Variants in CHST9 observed in about 807,000 individuals in gnomAD.
The protein encoded by CHST9 is carbohydrate sulfotransferase 9.
A neutral mutation model predicts 44.4 loss-of-function variants in CHST9; 41 were observed. That is an observed-to-expected ratio of 0.92 (90% confidence interval 0.72 to 1.20). The LOEUF is 1.20. Ranked by LOEUF, CHST9 falls within the 50% of genes most tolerant of loss-of-function variation. The probability of loss-of-function intolerance (pLI) is 0.00; values close to 1 mark genes in which losing one functional copy is unlikely to be tolerated. For missense variants in CHST9, 504 were observed against 516.5 expected, an observed-to-expected ratio of 0.98 and a Z score of 0.23; for synonymous variants, 171 against 178.4, an observed-to-expected ratio of 0.96 and a Z score of 0.33.
chr18:27,101,509 C>A lies in CHST9; in HGVS notation c.121+41180G>T, dbSNP rs548147334. 7.6e-3 allele frequency among the ~76,000 whole-genome samples: 1,149 copies of A among 151,556 alleles called. 15 individuals are homozygous for A. The highest frequency in any genetic ancestry group is 0.026 in the African/African-American group (1,059 of 41,248). ...TGGCGGGGGTGAGGGTGGGCGGGGG[C>A]TGAGGCCGGAGAATGGAGTGAACCC... On this transcript the variant is annotated intron_variant, in intron 2 of 5. Transcript: ENST00000618847.
At chr18:27,163,627 A>G (rs983777240) in intron 1 of CHST9, among the ~76,000 whole-genome samples, 3 of 152,186 alleles carry the variant, frequency 2.0e-5, no homozygotes, top group Non-Finnish European at 4.4e-5. Context: ...TGCAGGATAT[A>G]ATCTCCTGCT....
At chr18:27,055,179 T>C (rs1293723254) in intron 2 of CHST9, among the ~76,000 whole-genome samples, 2 of 152,148 alleles carry the variant, frequency 1.3e-5, no homozygotes, top group Admixed American at 6.5e-5. Context: ...AAATGCACTA[T>C]GAAGAAGGCA....
chr18:27,056,026 T>C (rs1360345818), intron 2 of CHST9, among the ~76,000 whole-genome samples: 2 of 152,098 alleles, frequency 1.3e-5, no homozygotes, highest in Non-Finnish European at 2.9e-5. Flanking sequence ...GTTTTAAAAG[T>C]TGCAGGAATA....
chr18:27,018,930 G>C (rs1042270018), intron 4 of CHST9, among the ~76,000 whole-genome samples: 2 of 152,138 alleles, frequency 1.3e-5, no homozygotes, highest in African/African-American at 2.4e-5. Flanking sequence ...CCACACCCTT[G>C]ATTCTAACAC....
chr18:26,994,672 C>T (rs189124501), intron 4 of CHST9, among the ~76,000 whole-genome samples: 18 of 152,230 alleles, frequency 1.2e-4, no homozygotes, highest in African/African-American at 4.1e-4. Context: ...TCACTGCAAC[C>T]TCTGCCTCCT....
intron 1 of CHST9, among the ~76,000 whole-genome samples, chr18:27,146,624 T>C (rs2058614372): frequency 6.6e-6 from 1 of 152,236 alleles, no homozygotes; most frequent in South Asian, 2.1e-4. Flanking sequence ...TCCTGTATTT[T>C]GTACAACTCC....
intron 4 of CHST9, among the ~76,000 whole-genome samples, chr18:26,981,465 G>C (rs1161274185): frequency 6.6e-6 from 1 of 152,182 alleles, no homozygotes; most frequent in East Asian, 1.9e-4. Flanking sequence ...ATTCAGAACA[G>C]AGCCGCATCT....
At chr18:26,976,917 G>A (rs1340053343) in intron 4 of CHST9, among the ~76,000 whole-genome samples, 2 of 152,046 alleles carry the variant, frequency 1.3e-5, no homozygotes, top group Non-Finnish European at 2.9e-5. Flanking sequence ...ATGTATAGCT[G>A]CCTAGTCCAA....
chr18:27,159,120 C>A (rs866825185), intron 1 of CHST9, among the ~76,000 whole-genome samples: 3,115 of 152,174 alleles, frequency 0.02, 96 homozygotes, highest in African/African-American at 0.07. Context: ...TTAATTAGAT[C>A]CCATTTGTCA....
intron 5 of CHST9, among the ~76,000 whole-genome samples, chr18:26,938,719 T>C (rs981106014): frequency 6.6e-6 from 1 of 152,230 alleles, no homozygotes; most frequent in African/African-American, 2.4e-5. Flanking sequence ...AATATGGATA[T>C]GGACATACAG....
intron 2 of CHST9, among the ~76,000 whole-genome samples, chr18:27,123,418 T>C (rs75386014): frequency 0.011 from 1,608 of 152,282 alleles, 24 homozygotes; most frequent in African/African-American, 0.034. Flanking sequence ...TTGTGTTCAA[T>C]AATATCCTAG....
At chr18:26,972,430 C>G (rs1213564868) in intron 4 of CHST9, among the ~76,000 whole-genome samples, 1 of 145,740 alleles carries the variant, frequency 6.9e-6, no homozygotes, top group Non-Finnish European at 1.5e-5. Flanking sequence ...AAGGAGGTGA[C>G]AGAGTCAGTC....
intron 4 of CHST9, among the ~76,000 whole-genome samples, chr18:26,970,229 T>G (rs2056523973): frequency 6.6e-6 from 1 of 152,228 alleles, no homozygotes; most frequent in Non-Finnish European, 1.5e-5. Context: ...ATCTTTGAGC[T>G]GCAAATGGAA....
In CHST9 at chr18:27,002,338, G is replaced by A. The variant is rs2056964144; in HGVS notation, c.202+21778C>T. The stretch of plus-strand genomic sequence containing the variant: ...CAAAAACTGAGCTCTTTGCCAACAT[G>A]GATCATCTTGATATTCCTAGAAACC... On this transcript the variant is annotated intron_variant, in intron 4 of 5. Coordinates refer to ENST00000618847, the MANE Select transcript of CHST9 (RefSeq NM_031422.6). Among the ~76,000 whole-genome samples the A allele has an allele frequency of 2.0e-5, 3 of 152,032 alleles. No homozygotes were observed. The South Asian group carries it at 6.2e-4, about 32-fold the overall frequency.
Position 26,958,773 on chromosome 18 carries a change from A to G in CHST9, c.203-14407T>C, listed in dbSNP as rs373910081. 5.3e-5 allele frequency among the ~76,000 whole-genome samples: 8 copies of G among 152,356 alleles called. No individual in the cohort carries two copies. The South Asian group carries it at 1.7e-3, about 32-fold the overall frequency. On this transcript the variant is annotated intron_variant, in intron 4 of 5. Coordinates refer to ENST00000618847, the MANE Select transcript of CHST9 (RefSeq NM_031422.6). ...ATGCATATCAAAACCACAATGAGATAGCATCTCATGCCAGTTAGAATGGCT... is the reference window on the plus strand; with the variant it reads ...ATGCATATCAAAACCACAATGAGATGGCATCTCATGCCAGTTAGAATGGCT...
At chr18:27,004,485 G>C (rs1258631366) in intron 4 of CHST9, among the ~76,000 whole-genome samples, 1 of 151,956 alleles carries the variant, frequency 6.6e-6, no homozygotes, top group Non-Finnish European at 1.5e-5. Context: ...TAACCCATTT[G>C]GCACCTAACA....
intron 3 of CHST9, among the ~76,000 whole-genome samples, chr18:27,045,543 A>ATCAG (rs1555679163): frequency 1.3e-5 from 2 of 152,026 alleles, no homozygotes; most frequent in Admixed American, 6.6e-5. Flanking sequence ...AATTGATGAC[A>ATCAG]TCAGGTATTT....
chr18:27,066,942 T>TA (rs1307669560), intron 2 of CHST9, among the ~76,000 whole-genome samples: 1 of 152,172 alleles, frequency 6.6e-6, no homozygotes, highest in African/African-American at 2.4e-5. Flanking sequence ...AATAAGGCCT[T>TA]ACGTTTCTGT....
intron 1 of CHST9, among the ~76,000 whole-genome samples, chr18:27,162,622 G>A (rs187528410): frequency 6.6e-5 from 10 of 152,208 alleles, no homozygotes; most frequent in Admixed American, 1.3e-4. Flanking sequence ...TCTTTGTGGC[G>A]TTCTCTGTAT....
Sources: allele counts gnomAD v4.1 joint callset (sites outside exome capture counted in the v4.1 genomes callset), GRCh38; gene constraint gnomAD v4.1.1; transcripts MANE v1.5; gene names NCBI Gene and HGNC (gene_info 2026-07-23, HGNC 2026-07-21).